DCUN1D2: variants seen among roughly 807,000 people sequenced by gnomAD.
DCUN1D2 encodes DCN1-like protein 2.
DCUN1D2 carries 29 observed loss-of-function variants against 30.9 expected under a neutral mutation model. The ratio of observed to expected loss-of-function variants is 0.94; its 90% CI spans 0.70 to 1.28. The LOEUF is 1.28. Among genes scored for constraint, DCUN1D2 ranks in the 50% most tolerant of loss-of-function variants. The pLI is 0.00. For synonymous variants in DCUN1D2, 121 were observed against 115.3 expected (o/e 1.05, Z -0.32); for missense variants, 325 against 316.9 (o/e 1.03, Z -0.19).
chr13:113,483,634 G>A (rs2044747704), intron 2 of DCUN1D2, among the ~76,000 whole-genome samples: 1 of 152,072 alleles, frequency 6.6e-6, no homozygotes, highest in Admixed American at 6.5e-5. Context: ...CACTCTTCTC[G>A]CCCTCCCCAC....
chr13:113,464,642 G>C (rs1355390224), intron 4 of DCUN1D2, among the ~76,000 whole-genome samples: 1 of 152,270 alleles, frequency 6.6e-6, no homozygotes, highest in African/African-American at 2.4e-5. Context: ...TGCAGGCCCA[G>C]TGCTTCTGCC....
At chr13:113,470,979 C>A (rs1315339107) in intron 4 of DCUN1D2, among the ~76,000 whole-genome samples, 1 of 147,830 alleles carries the variant, frequency 6.8e-6, no homozygotes, top group African/African-American at 2.5e-5. Context: ...GGGGACCCAA[C>A]TCTACAGAGG....
rs2044942510 is a variant in DCUN1D2 at position 113,490,544 on chromosome 13, C to T, written c.3+123G>A. 1 of 1,030,438 alleles carries T rather than the reference C, an allele frequency of 9.7e-7. No homozygotes were observed. Among genetic ancestry groups the T allele is most frequent in the Non-Finnish European group, 1.2e-6 (1 of 803,498 alleles). 63.8% of individuals were successfully genotyped at this position (1,030,438 alleles called of 1,614,324 possible). A position where few individuals can be genotyped will look rare whatever the true frequency, so the allele number is the denominator to read the frequency against. ...GCGGCGCGTTCCTCCCTCGGATCCA[C>T]GCGGAACGCCCCGCGCAGCTCGCTG... On this transcript the variant is annotated intron_variant, in intron 1 of 6. Coordinates refer to ENST00000478244, the MANE Select transcript of DCUN1D2 (RefSeq NM_001014283.2). This position sits in a 1 kb window ranked among gnomAD's most constrained non-coding sequence, Gnocchi z 5.2.
chr13:113,473,111 T>A (rs975017063), intron 4 of DCUN1D2, among the ~76,000 whole-genome samples: 7 of 149,140 alleles, frequency 4.7e-5, no homozygotes, highest in Admixed American at 3.3e-4. Context: ...CCTCTGTCCC[T>A]CTGTCCCCCG....
At position 113,461,037 on chromosome 13, in the gene DCUN1D2, T is replaced by C; in HGVS notation, c.603+17A>G. Reference sequence around the variant, plus strand: ...CCTCCACAGTGGGCACACAGCGAGATGCAGGAGGACACTTACCATTAAGAA... The same window carrying C: ...CCTCCACAGTGGGCACACAGCGAGACGCAGGAGGACACTTACCATTAAGAA... On this transcript the variant is annotated intron_variant, in intron 5 of 6. Transcript: ENST00000478244. The C allele has an allele frequency of 6.4e-7, 1 of 1,558,474 alleles. No individual in the cohort carries two copies.
intron 4 of DCUN1D2, among the ~76,000 whole-genome samples, chr13:113,472,763 G>C (rs1158052562): frequency 6.6e-6 from 1 of 152,360 alleles, no homozygotes; most frequent in Admixed American, 6.5e-5. Flanking sequence ...CCTAGGTGCC[G>C]CATGCGGCAG....
At chr13:113,485,984 A>G (rs990710429) in intron 1 of DCUN1D2, among the ~76,000 whole-genome samples, 26 of 152,180 alleles carry the variant, frequency 1.7e-4, no homozygotes, top group African/African-American at 6.0e-4. Context: ...CAAAAATGTA[A>G]TGGGTTTTTA....
At chr13:113,478,506 T>C (rs1289078063) in intron 3 of DCUN1D2, among the ~76,000 whole-genome samples, 1 of 152,204 alleles carries the variant, frequency 6.6e-6, no homozygotes, top group Non-Finnish European at 1.5e-5. Context: ...AAATTAGTGC[T>C]TCTTTAAAAA....
Position 113,459,359 on chromosome 13 carries a change from T to C in DCUN1D2, c.653A>G (p.Asp218Gly). ...ATCATCCGCAATCATGTTTCCAAAGTCCAGCAGGAGGTTCCAGGTGTCCCT... is the reference window on the plus strand; with the variant it reads ...ATCATCCGCAATCATGTTTCCAAAGCCCAGCAGGAGGTTCCAGGTGTCCCT... ...IPRDTWNLLL[D>G]FGNMIADDMS... The change falls in exon 6 of 7, where the codon GAC becomes GGC. Residue 218 changes from aspartate (D) to glycine (G), a missense_variant. Coordinates refer to ENST00000478244, the MANE Select transcript of DCUN1D2 (RefSeq NM_001014283.2). 6.2e-7 allele frequency: 1 copy of C among 1,606,752 alleles called. No individual in the cohort carries two copies. The highest frequency in any genetic ancestry group is 8.5e-7 in the Non-Finnish European group (1 of 1,173,472).
chr13:113,464,499 CAATT>C, intron 4 of DCUN1D2, among the ~76,000 whole-genome samples: 1 of 152,326 alleles, frequency 6.6e-6, no homozygotes, highest in East Asian at 1.9e-4. Context: ...CTGAACTGGG[CAATT>C]AATTTAGACT....
At chr13:113,478,429 A>G (rs2044653920) in intron 3 of DCUN1D2, among the ~76,000 whole-genome samples, 1 of 152,078 alleles carries the variant, frequency 6.6e-6, no homozygotes, top group Non-Finnish European at 1.5e-5. Context: ...AGTCTTTTCA[A>G]ATAACAAGCT....
At chr13:113,482,536 T>A (rs993496676) in intron 2 of DCUN1D2, among the ~76,000 whole-genome samples, 1 of 152,178 alleles carries the variant, frequency 6.6e-6, no homozygotes, top group African/African-American at 2.4e-5. Context: ...TACCACTGAC[T>A]ATGTTTCTGA....
chr13:113,479,590 G>A (rs756538516), intron 3 of DCUN1D2, among the ~76,000 whole-genome samples: 58 of 152,122 alleles, frequency 3.8e-4, no homozygotes, highest in Middle Eastern at 3.4e-3. Context: ...GTGAAATCCC[G>A]TCTCTACTAA....
intron 4 of DCUN1D2, among the ~76,000 whole-genome samples, chr13:113,463,446 C>T (rs1017169375): frequency 1.3e-5 from 2 of 151,860 alleles, no homozygotes; most frequent in Non-Finnish European, 2.9e-5. Flanking sequence ...AATCATAGCA[C>T]TTTAGGAGGC....
At chr13:113,480,879 G>A in intron 2 of DCUN1D2, 136 bp from the exon 3 acceptor site, 1 of 759,226 alleles carries the variant, frequency 1.3e-6, no homozygotes, top group Non-Finnish European at 2.0e-6. Flanking sequence ...TCAATAGGCT[G>A]CAGTTTTCTA....
chr13:113,472,899 G>C (rs1263197540), intron 4 of DCUN1D2, among the ~76,000 whole-genome samples: 10 of 152,156 alleles, frequency 6.6e-5, no homozygotes, highest in Non-Finnish European at 1.3e-4. Context: ...GCCGAGACGC[G>C]TCTCAGCACC....
At chr13:113,474,290 T>C (rs922799127) in intron 3 of DCUN1D2, 36 bp from the exon 4 acceptor site, 2 of 1,608,368 alleles carry the variant, frequency 1.2e-6, no homozygotes, top group East Asian at 2.2e-5. Flanking sequence ...TTGCAGCAGA[T>C]GCGCCTCCCT....
chr13:113,461,200 G>T lies in DCUN1D2; in HGVS notation c.521-64C>A. On this transcript the variant is annotated intron_variant, in intron 4 of 6. Coordinates refer to ENST00000478244, the MANE Select transcript of DCUN1D2 (RefSeq NM_001014283.2). ...TCTCTTTTTCTACTGCACAAAAAAC[G>T]ACCACTTCTTAGCATGTCAATATTT... 6 of 1,019,580 alleles carry T rather than the reference G, an allele frequency of 5.9e-6. 1 individual carries two copies. In the South Asian group the frequency reaches 7.0e-5, roughly 12 times the overall value. The allele number at this position is 1,019,580 out of a possible 1,614,324, so 63.2% of individuals were successfully genotyped here.
chr13:113,457,131 C>G lies in DCUN1D2; in HGVS notation c.*898G>C, dbSNP rs746022778. 6.6e-6 allele frequency: 1 copy of G among 152,126 alleles called. No homozygotes were observed. The highest frequency in any genetic ancestry group is 2.4e-5 in the African/African-American group (1 of 41,416). 9.4% of individuals were successfully genotyped at this position (152,126 alleles called of 1,614,324 possible). On this transcript the variant is annotated 3_prime_UTR_variant, in exon 7 of 7. Coordinates refer to ENST00000478244, the MANE Select transcript of DCUN1D2 (RefSeq NM_001014283.2). Reference sequence around the variant, plus strand: ...CTGACCTCAGGTGATCCACCTGCCTCGGCCTCCCAAAATGCTGGGATTACA... The same window carrying G: ...CTGACCTCAGGTGATCCACCTGCCTGGGCCTCCCAAAATGCTGGGATTACA...
Sources: gnomAD v4.1 joint callset for allele counts (sites outside exome capture counted in the v4.1 genomes callset) on GRCh38, gnomAD v4.1.1 for gene constraint, Gnocchi (gnomAD v3.1) non-coding constraint, MANE v1.5 for transcripts, NCBI Gene and HGNC (gene_info 2026-07-23, HGNC 2026-07-21) for gene names.